Variants in SLIT3 observed in about 807,000 individuals in gnomAD.
SLIT3 encodes the protein slit homolog 3 protein.
In SLIT3, 68 loss-of-function variants were observed where a neutral mutation model predicts 184.0. The ratio of observed to expected loss-of-function variants is 0.37; its 90% CI spans 0.30 to 0.45. The LOEUF (loss-of-function observed/expected upper bound fraction) is 0.45. SLIT3 is among the 20% of genes least tolerant of loss of function. The probability of loss-of-function intolerance (pLI) is 1.00; values close to 1 mark genes in which losing one functional copy is unlikely to be tolerated. For synonymous variants in SLIT3, 831 were observed against 828.6 expected (o/e 1.00, Z -0.05); for missense variants, 1,707 against 2,026.0 (o/e 0.84, Z 3.02).
chr5:169,300,491 G>T lies in SLIT3; in HGVS notation c.197+22C>A, dbSNP rs1451743635. On this transcript the variant is annotated intron_variant, in intron 1 of 35. Coordinates refer to ENST00000519560, the MANE Select transcript of SLIT3 (RefSeq NM_003062.4). The surrounding 1 kb of genome is among the most constrained non-coding windows in gnomAD (Gnocchi z 4.1). ...TGGGACCCAGGTGGGTGGCCCGCGT[G>T]GGGTGGGGCAGGGGTACTCACAGGC... is the stretch of plus-strand genomic sequence containing the variant. The T allele has an allele frequency of 2.1e-6, 3 of 1,454,712 alleles. No individual in the cohort carries two copies. Among genetic ancestry groups the T allele is most frequent in the Non-Finnish European group, 2.7e-6 (3 of 1,105,402 alleles). The allele number at this position is 1,454,712 out of a possible 1,614,324, so 90.1% of individuals were successfully genotyped here.
intron 4 of SLIT3, among the ~76,000 whole-genome samples, chr5:168,915,477 A>G (rs755256624): frequency 9.9e-5 from 15 of 152,128 alleles, no homozygotes; most frequent in African/African-American, 2.2e-4. Flanking sequence ...AGATTTACCA[A>G]TCCCTCTATT....
chr5:169,077,260 G>A (rs879373262), intron 4 of SLIT3, among the ~76,000 whole-genome samples: 16 of 152,064 alleles, frequency 1.1e-4, no homozygotes, highest in East Asian at 3.9e-4. Context: ...TATGTAGGCC[G>A]GGCGCGGTGG....
chr5:169,287,528 T>A (rs189578322), intron 1 of SLIT3, among the ~76,000 whole-genome samples: 92 of 152,222 alleles, frequency 6.0e-4, no homozygotes, highest in African/African-American at 2.1e-3. Context: ...GAAGCTGAGG[T>A]CCTCTCTGGT....
intron 20 of SLIT3, among the ~76,000 whole-genome samples, chr5:168,742,050 G>C (rs1201934934): frequency 8.1e-6 from 1 of 122,830 alleles, no homozygotes; most frequent in East Asian, 2.3e-4. Context: ...AGGGATGGGA[G>C]TGAAGAACAT....
intron 2 of SLIT3, among the ~76,000 whole-genome samples, chr5:169,246,954 G>A (rs1765613952): frequency 7.1e-6 from 1 of 141,390 alleles, no homozygotes; most frequent in African/African-American, 2.7e-5. Flanking sequence ...AAAAAGGCTG[G>A]GCACAGTGGC....
rs374761557 is a variant in SLIT3 at position 168,833,810 on chromosome 5, C to A, written c.558-10479G>T. Among the ~76,000 whole-genome samples the A allele has an allele frequency of 2.6e-5, 4 of 152,296 alleles. No individual in the cohort carries two copies. In the East Asian group the frequency reaches 5.8e-4, roughly 22 times the overall value. On this transcript the variant is annotated intron_variant, in intron 6 of 35. Coordinates refer to ENST00000519560, the MANE Select transcript of SLIT3 (RefSeq NM_003062.4). ...TATGGCTGTGGGCAAGTCATTTAAC[C>A]TTTGTGAGGGAGTTTCTTTTTTTTT...
At chr5:169,110,308 A>T (rs922084340) in intron 4 of SLIT3, among the ~76,000 whole-genome samples, 2 of 152,154 alleles carry the variant, frequency 1.3e-5, no homozygotes, top group Non-Finnish European at 2.9e-5. Flanking sequence ...GACCTGACCT[A>T]AGCCAACTGT....
intron 4 of SLIT3, among the ~76,000 whole-genome samples, chr5:169,041,389 CG>C (rs1326280966): frequency 6.6e-6 from 1 of 152,080 alleles, no homozygotes; most frequent in African/African-American, 2.4e-5. Context: ...TGATGAGTGC[CG>C]GATGGAGCCG....
At chr5:169,104,374 C>T (rs1182378502) in intron 4 of SLIT3, among the ~76,000 whole-genome samples, 1 of 152,212 alleles carries the variant, frequency 6.6e-6, no homozygotes, top group Non-Finnish European at 1.5e-5. Flanking sequence ...ACGCTCAGCT[C>T]AATCACATTT....
At chr5:168,692,564 G>A (rs1280175791) in intron 29 of SLIT3, 43 bp downstream of exon 29, 1 of 1,421,016 alleles carries the variant, frequency 7.0e-7, no homozygotes. Flanking sequence ...TAGAGGCAGA[G>A]TTTTCATGGA....
Position 168,666,409 on chromosome 5 carries a change from C to T in SLIT3, c.*45G>A, listed in dbSNP as rs1463597305. The T allele has an allele frequency of 1.3e-5, 19 of 1,502,518 alleles. No homozygotes were observed. The highest frequency in any genetic ancestry group is 1.7e-5 in the Non-Finnish European group (19 of 1,127,298). 93.1% of individuals were successfully genotyped at this position (1,502,518 alleles called of 1,614,324 possible). On this transcript the variant is annotated 3_prime_UTR_variant, in exon 36 of 36. Transcript: ENST00000519560. ...GGGGTCCCACATGGCTGTCCCAACTCCATCAAGCTGGAGTCCGAGAGGTGG... is the reference window on the plus strand; with the variant it reads ...GGGGTCCCACATGGCTGTCCCAACTTCATCAAGCTGGAGTCCGAGAGGTGG...
At chr5:168,799,696 G>C (rs1320850259) in intron 9 of SLIT3, among the ~76,000 whole-genome samples, 1 of 152,204 alleles carries the variant, frequency 6.6e-6, no homozygotes, top group African/African-American at 2.4e-5. Context: ...ATTGGTGGTG[G>C]TGGTGGTGGT....
intron 4 of SLIT3, among the ~76,000 whole-genome samples, chr5:169,122,682 C>T (rs994249152): frequency 2.6e-5 from 4 of 152,158 alleles, no homozygotes; most frequent in African/African-American, 9.7e-5. Flanking sequence ...ACACCATCAC[C>T]ACCTCCTAGA....
intron 4 of SLIT3, among the ~76,000 whole-genome samples, chr5:169,001,367 G>A (rs1331885724): frequency 6.6e-6 from 1 of 152,116 alleles, no homozygotes; most frequent in Non-Finnish European, 1.5e-5. Flanking sequence ...CTTTCTGCTT[G>A]AAATGAAGGG....
At position 168,841,533 on chromosome 5, in the gene SLIT3, A is replaced by T. The variant is rs144497790; in HGVS notation, c.557+3051T>A. Among the ~76,000 whole-genome samples the T allele has an allele frequency of 1.8e-3, 271 of 152,272 alleles. 1 individual carries two copies. Among genetic ancestry groups the T allele is most frequent in the African/African-American group, 5.8e-3 (239 of 41,550 alleles). ...CACTGGACATCCCCCATCGGGAATGAGTCAAAAATGAGGTTGAAGTGGGCA... is the reference window on the plus strand; with the variant it reads ...CACTGGACATCCCCCATCGGGAATGTGTCAAAAATGAGGTTGAAGTGGGCA... On this transcript the variant is annotated intron_variant, in intron 6 of 35. Coordinates refer to ENST00000519560, the MANE Select transcript of SLIT3 (RefSeq NM_003062.4).
At chr5:168,850,742 A>G (rs1410188615) in intron 5 of SLIT3, among the ~76,000 whole-genome samples, 6 of 152,220 alleles carry the variant, frequency 3.9e-5, no homozygotes, top group Non-Finnish European at 8.8e-5. Flanking sequence ...CTTCTATTTC[A>G]TATAGATCAT....
chr5:168,699,877 G>A lies in SLIT3; in HGVS notation c.2942+705C>T, dbSNP rs140685739. ...TAACTCAGAAAAGCATGGTGGAAGT[G>A]CCAGACGGGCAGTCTTTAAGCCTTC... is the stretch of plus-strand genomic sequence containing the variant. On this transcript the variant is annotated intron_variant, in intron 27 of 35. Coordinates refer to ENST00000519560, the MANE Select transcript of SLIT3 (RefSeq NM_003062.4). Among the ~76,000 whole-genome samples, 20 of 152,336 alleles carry A rather than the reference G, an allele frequency of 1.3e-4. No homozygotes were observed. In the East Asian group the frequency reaches 3.9e-3, roughly 29 times the overall value.
chr5:168,977,369 G>A (rs1327821953), intron 4 of SLIT3, among the ~76,000 whole-genome samples: 1 of 152,212 alleles, frequency 6.6e-6, no homozygotes, highest in East Asian at 1.9e-4. Flanking sequence ...TGGCAGAAAT[G>A]TGCTGGCCTT....
chr5:169,122,573 C>G (rs142662884), intron 4 of SLIT3, among the ~76,000 whole-genome samples: 114 of 152,324 alleles, frequency 7.5e-4, no homozygotes, highest in African/African-American at 2.7e-3. Context: ...TTTCCCCCCA[C>G]ACAACAAAGG....
Sources: allele counts gnomAD v4.1 joint callset (sites outside exome capture counted in the v4.1 genomes callset), GRCh38; gene constraint gnomAD v4.1.1; non-coding constraint Gnocchi (gnomAD v3.1); transcripts MANE v1.5; gene names NCBI Gene and HGNC (gene_info 2026-07-23, HGNC 2026-07-21).